PTPRD: variants seen among roughly 807,000 people sequenced by gnomAD.
PTPRD encodes receptor-type tyrosine-protein phosphatase delta.
A neutral mutation model predicts 214.5 loss-of-function variants in PTPRD; 34 were observed. That is an observed-to-expected ratio of 0.16 (90% CI 0.12 to 0.21). PTPRD has a LOEUF of 0.21. PTPRD is among the 10% of genes least tolerant of loss of function. The probability of loss-of-function intolerance (pLI) is 1.00; values close to 1 mark genes in which losing one functional copy is unlikely to be tolerated. For missense variants in PTPRD, 2,545 were observed against 2,398.7 expected, an observed-to-expected ratio of 1.06 and a Z score of -1.27; for synonymous variants, 1,128 against 845.7, an observed-to-expected ratio of 1.33 and a Z score of -5.79.
At chr9:10,603,375 C>T (rs2133445245) in intron 2 of PTPRD, among the ~76,000 whole-genome samples, 1 of 151,972 alleles carries the variant, frequency 6.6e-6, no homozygotes, top group African/African-American at 2.4e-5. Context: ...CTCCTGCATT[C>T]ACATTTGTGA....
chr9:8,842,135 CA>C (rs147117040), intron 11 of PTPRD, among the ~76,000 whole-genome samples: 3 of 150,840 alleles, frequency 2.0e-5, no homozygotes, highest in Admixed American at 2.0e-4. Context: ...AAACAAAATG[CA>C]AAAAAAACTG....
At chr9:9,220,209 A>C (rs2099954920) in intron 9 of PTPRD, among the ~76,000 whole-genome samples, 1 of 152,060 alleles carries the variant, frequency 6.6e-6, no homozygotes, top group Non-Finnish European at 1.5e-5. Context: ...TAATAAATGG[A>C]CACATTCAAA....
chr9:9,778,552 T>C (rs2761721), intron 5 of PTPRD, among the ~76,000 whole-genome samples: 61,581 of 151,774 alleles, frequency 0.41, 12,703 homozygotes, highest in African/African-American at 0.49. Flanking sequence ...TCCCCATGAC[T>C]AAGGCATGTC....
At chr9:10,364,021 A>C (rs1447160107) in intron 2 of PTPRD, among the ~76,000 whole-genome samples, 2 of 20,532 alleles carry the variant, frequency 9.7e-5, no homozygotes, top group African/African-American at 7.2e-4. Context: ...TTTTTTTGAG[A>C]TGGAGTCTTG....
At chr9:10,118,266 A>G (rs1050166600) in intron 3 of PTPRD, among the ~76,000 whole-genome samples, 5 of 151,922 alleles carry the variant, frequency 3.3e-5, no homozygotes, top group African/African-American at 1.2e-4. Flanking sequence ...CTATCTATAG[A>G]AACATTTATT....
At chr9:9,967,962 G>T (rs1316586485) in intron 4 of PTPRD, among the ~76,000 whole-genome samples, 2 of 152,048 alleles carry the variant, frequency 1.3e-5, no homozygotes, top group African/African-American at 4.8e-5. Context: ...CAAAATTTTA[G>T]AATTTGATAT....
intron 10 of PTPRD, among the ~76,000 whole-genome samples, chr9:9,108,790 G>A (rs529770415): frequency 1.6e-4 from 25 of 152,262 alleles, no homozygotes; most frequent in African/African-American, 5.8e-4. Context: ...CTTTCCTAGA[G>A]CAAGCACTGT....
At chr9:8,948,282 T>C (rs2099078200) in intron 11 of PTPRD, among the ~76,000 whole-genome samples, 1 of 147,722 alleles carries the variant, frequency 6.8e-6, no homozygotes, top group Non-Finnish European at 1.5e-5. Context: ...CCTCCCAAAG[T>C]GCTGGGATTA....
chr9:8,314,775 A>G lies in PTPRD; in HGVS notation c.*3099T>C. 4.3e-6 allele frequency: 1 copy of G among 232,332 alleles called. No homozygotes were observed. Among genetic ancestry groups the G allele is most frequent in the Non-Finnish European group, 8.5e-6 (1 of 117,288 alleles). 14.4% of individuals were successfully genotyped at this position (232,332 alleles called of 1,614,324 possible). A position where few individuals can be genotyped will look rare whatever the true frequency, so the allele number is the denominator to read the frequency against. On this transcript the variant is annotated 3_prime_UTR_variant, in exon 46 of 46. Transcript: ENST00000381196. The stretch of plus-strand genomic sequence containing the variant: ...TGTTGTGTTATTTACATACACACAA[A>G]TGAATTTCCGAAGCAGTTTCTTACA...
chr9:8,332,466 TG>T (rs1842429199), intron 43 of PTPRD, among the ~76,000 whole-genome samples: 1 of 152,126 alleles, frequency 6.6e-6, no homozygotes, highest in African/African-American at 2.4e-5. Context: ...TGCCCTTTTC[TG>T]AAAAAGAGCT....
chr9:9,379,556 C>T (rs748123290), intron 9 of PTPRD, among the ~76,000 whole-genome samples: 5 of 152,032 alleles, frequency 3.3e-5, no homozygotes, highest in South Asian at 2.1e-4. Context: ...AGAATCATTT[C>T]GTCAGTATCC....
chr9:9,338,405 C>G (rs772011340), intron 9 of PTPRD, among the ~76,000 whole-genome samples: 1 of 152,020 alleles, frequency 6.6e-6, no homozygotes, highest in Non-Finnish European at 1.5e-5. Context: ...ATATTAATGC[C>G]TGAATACTGA....
At chr9:9,926,995 T>C (rs2084546614) in intron 5 of PTPRD, among the ~76,000 whole-genome samples, 1 of 152,146 alleles carries the variant, frequency 6.6e-6, no homozygotes, top group African/African-American at 2.4e-5. Context: ...TAAATATAAT[T>C]AGGTATTGCA....
intron 8 of PTPRD, among the ~76,000 whole-genome samples, chr9:9,497,027 T>A (rs537640671): frequency 6.6e-6 from 1 of 152,140 alleles, no homozygotes; most frequent in African/African-American, 2.4e-5. Context: ...TCCACTTATA[T>A]GAGGTAGTTA....
intron 3 of PTPRD, among the ~76,000 whole-genome samples, chr9:10,144,226 T>C (rs2048465468): frequency 6.6e-6 from 1 of 152,148 alleles, no homozygotes; most frequent in Admixed American, 6.6e-5. Context: ...ATTAGATCAG[T>C]GCAGTCATTA....
intron 4 of PTPRD, among the ~76,000 whole-genome samples, chr9:10,023,041 T>A (rs1377335082): frequency 2.0e-5 from 3 of 152,212 alleles, no homozygotes; most frequent in Non-Finnish European, 4.4e-5. Context: ...CTGTTAAAAT[T>A]AAAATAATAT....
chr9:8,940,453 T>G (rs1279729864), intron 11 of PTPRD, among the ~76,000 whole-genome samples: 1 of 134,138 alleles, frequency 7.5e-6, no homozygotes, highest in African/African-American at 2.7e-5. Flanking sequence ...CAGCTTTTTT[T>G]TTTTTTTTTT....
intron 9 of PTPRD, among the ~76,000 whole-genome samples, chr9:9,290,420 G>T (rs1029256558): frequency 6.6e-6 from 1 of 151,408 alleles, no homozygotes; most frequent in Non-Finnish European, 1.5e-5. Flanking sequence ...TTTTTATGTT[G>T]TTAATGTTTT....
chr9:9,942,895 G>GTT (rs113089194), intron 4 of PTPRD, among the ~76,000 whole-genome samples: 7,035 of 120,040 alleles, frequency 0.059, 521 homozygotes, highest in African/African-American at 0.2. Context: ...GCTCTGAGTT[G>GTT]TTTTTTTTTT....
Sources: allele counts gnomAD v4.1 joint callset (sites outside exome capture counted in the v4.1 genomes callset), GRCh38; gene constraint gnomAD v4.1.1; transcripts MANE v1.5; gene names NCBI Gene and HGNC (gene_info 2026-07-23, HGNC 2026-07-21).